CALCRL: variants seen among roughly 807,000 people sequenced by gnomAD.
CALCRL encodes calcitonin receptor like receptor, also known as calcitonin gene-related peptide type 1 receptor.
Under a neutral mutation model 60.4 loss-of-function variants are expected in CALCRL, and 27 were observed. The ratio of observed to expected loss-of-function variants is 0.45; its 90% CI spans 0.33 to 0.62. The LOEUF is 0.62. Among genes scored for constraint, CALCRL ranks in the 20% least tolerant of loss-of-function variants. The pLI is 0.03. For synonymous variants in CALCRL, 190 were observed against 182.6 expected, an observed-to-expected ratio of 1.04 and a Z score of -0.33; for missense variants, 424 against 540.7, an observed-to-expected ratio of 0.78 and a Z score of 2.14.
intron 8 of CALCRL, among the ~76,000 whole-genome samples, chr2:187,374,218 A>G (rs1045693894): frequency 9.2e-5 from 14 of 152,252 alleles, no homozygotes; most frequent in Admixed American, 2.6e-4. Flanking sequence ...AATGACATCT[A>G]GACATACAGA....
chr2:187,438,065 T>C (rs1252563936), intron 1 of CALCRL, among the ~76,000 whole-genome samples: 2 of 152,142 alleles, frequency 1.3e-5, no homozygotes, highest in Non-Finnish European at 2.9e-5. Flanking sequence ...ACCTTAATAG[T>C]GACATTTCTG....
rs954080668 is a variant in CALCRL, at chr2:187,404,504, A to ATT, written c.-292-16750_-292-16749dup. 1.6e-3 allele frequency among the ~76,000 whole-genome samples: 228 copies of ATT among 145,398 alleles called. 1 individual carries two copies. The highest frequency in any genetic ancestry group is 5.4e-3 in the African/African-American group (217 of 40,094). ...AGGTATCTTATAAACACTTTTATTT[A>ATT]TTTTTTTTTTTTGTAGAAAACACAA... On this transcript the variant is annotated intron_variant, in intron 1 of 14. Coordinates refer to ENST00000392370, the MANE Select transcript of CALCRL (RefSeq NM_005795.6).
intron 8 of CALCRL, among the ~76,000 whole-genome samples, chr2:187,365,413 G>T (rs1687235269): frequency 6.6e-6 from 1 of 152,104 alleles, no homozygotes; most frequent in Non-Finnish European, 1.5e-5. Context: ...GAGAGGAACT[G>T]CTTATCCATG....
chr2:187,423,530 T>C lies in CALCRL; in HGVS notation c.-293+24509A>G, dbSNP rs1574309274. Among the ~76,000 whole-genome samples, 5 of 152,152 alleles carry C rather than the reference T, an allele frequency of 3.3e-5. 1 individual carries two copies. Among genetic ancestry groups the C allele is most frequent in the Admixed American group, 3.3e-4 (5 of 15,278 alleles). ...ATTATTGAGGAATATTTTAATTATC[T>C]GGTTATAAATTCTAAGGTTTCCCAA... On this transcript the variant is annotated intron_variant, in intron 1 of 14. Transcript: ENST00000392370.
At chr2:187,378,150 A>G (rs1222026833) in intron 8 of CALCRL, among the ~76,000 whole-genome samples, 3 of 152,042 alleles carry the variant, frequency 2.0e-5, no homozygotes, top group Non-Finnish European at 4.4e-5. Flanking sequence ...AGAAGAAAGA[A>G]GAAAGAGAAG....
At chr2:187,409,517 G>A (rs1239323922) in intron 1 of CALCRL, among the ~76,000 whole-genome samples, 2 of 152,204 alleles carry the variant, frequency 1.3e-5, no homozygotes, top group Non-Finnish European at 2.9e-5. Flanking sequence ...ATTATTAAAT[G>A]TCATGCTGTA....
chr2:187,416,767 A>T (rs1689629248), intron 1 of CALCRL, among the ~76,000 whole-genome samples: 1 of 152,108 alleles, frequency 6.6e-6, no homozygotes, highest in Non-Finnish European at 1.5e-5. Context: ...AATTCAATGT[A>T]TATGTTTCTC....
At chr2:187,399,359 C>T (rs1026926261) in intron 1 of CALCRL, among the ~76,000 whole-genome samples, 19 of 151,174 alleles carry the variant, frequency 1.3e-4, no homozygotes, top group African/African-American at 3.6e-4. Context: ...GTACCTATGG[C>T]GAGATATTCA....
At chr2:187,416,277 T>C (rs1264775320) in intron 1 of CALCRL, among the ~76,000 whole-genome samples, 2 of 152,216 alleles carry the variant, frequency 1.3e-5, no homozygotes, top group African/African-American at 4.8e-5. Flanking sequence ...AATAAAGTAA[T>C]GTTTAAGCAG....
rs972686892 is a variant in CALCRL at position 187,399,003 on chromosome 2, A to T, written c.-292-11247T>A. Among the ~76,000 whole-genome samples, 4 of 151,626 alleles carry T rather than the reference A, an allele frequency of 2.6e-5. No individual in the cohort carries two copies. In the East Asian group the frequency reaches 7.7e-4, roughly 29 times the overall value. ...CTAACTGATTTATTTGGAGCAGTGT[A>T]GTGGAATAATCACTATGTGTGGAAT... On this transcript the variant is annotated intron_variant, in intron 1 of 14. Coordinates refer to ENST00000392370, the MANE Select transcript of CALCRL (RefSeq NM_005795.6).
chr2:187,418,897 C>G (rs1207556802), intron 1 of CALCRL, among the ~76,000 whole-genome samples: 2 of 146,936 alleles, frequency 1.4e-5, no homozygotes, highest in African/African-American at 5.0e-5. Context: ...TGCTCTGTCA[C>G]CAGGCTGGGG....
Position 187,430,055 on chromosome 2 carries a change from G to A in CALCRL, c.-293+17984C>T, listed in dbSNP as rs1297653012. Among the ~76,000 whole-genome samples the A allele has an allele frequency of 3.9e-5, 6 of 152,132 alleles. No individual in the cohort carries two copies. The East Asian group carries it at 1.2e-3, about 29-fold the overall frequency. The stretch of plus-strand genomic sequence containing the variant: ...TAAGCAAACTTTGGGCCTTTTGAAA[G>A]TTGATCTGATATTACTTCACATAAA... On this transcript the variant is annotated intron_variant, in intron 1 of 14. Coordinates refer to ENST00000392370, the MANE Select transcript of CALCRL (RefSeq NM_005795.6).
In CALCRL at chr2:187,398,993, G is replaced by A. The variant is rs559784745; in HGVS notation, c.-292-11237C>T. Reference sequence around the variant, plus strand: ...CGTTTTATGCCTAACTGATTTATTTGGAGCAGTGTAGTGGAATAATCACTA... The same window carrying A: ...CGTTTTATGCCTAACTGATTTATTTAGAGCAGTGTAGTGGAATAATCACTA... On this transcript the variant is annotated intron_variant, in intron 1 of 14. Coordinates refer to ENST00000392370, the MANE Select transcript of CALCRL (RefSeq NM_005795.6). Among the ~76,000 whole-genome samples the A allele has an allele frequency of 4.0e-5, 6 of 151,622 alleles. No individual in the cohort carries two copies. The South Asian group carries it at 1.2e-3, about 31-fold the overall frequency.
chr2:187,376,540 A>C (rs1049515934), intron 8 of CALCRL, among the ~76,000 whole-genome samples: 12 of 152,124 alleles, frequency 7.9e-5, no homozygotes, highest in Non-Finnish European at 7.4e-5. Flanking sequence ...TGTTGGTATC[A>C]TTTGGCTTGC....
At chr2:187,441,338 T>C (rs1458633765) in intron 1 of CALCRL, among the ~76,000 whole-genome samples, 2 of 152,002 alleles carry the variant, frequency 1.3e-5, no homozygotes, top group African/African-American at 4.8e-5. Context: ...ATTTACCAGG[T>C]TTTGTCATTT....
Position 187,444,981 on chromosome 2 carries a change from C to T in CALCRL, c.-293+3058G>A, listed in dbSNP as rs1014126763. Among the ~76,000 whole-genome samples, 8 of 151,354 alleles carry T rather than the reference C, an allele frequency of 5.3e-5. No individual in the cohort carries two copies. The South Asian group carries it at 6.2e-4, about 12-fold the overall frequency. On this transcript the variant is annotated intron_variant, in intron 1 of 14. Transcript: ENST00000392370. The stretch of plus-strand genomic sequence containing the variant: ...CATCATAATATTTTTGTATATTAAA[C>T]GAGAAGATGTCTTGAAATAATTTGT...
intron 1 of CALCRL, among the ~76,000 whole-genome samples, chr2:187,433,188 A>C (rs532196407): frequency 6.6e-6 from 1 of 152,192 alleles, no homozygotes; most frequent in South Asian, 2.1e-4. Flanking sequence ...TTCAAAGTTG[A>C]AGTTTATTTT....
At chr2:187,358,396 C>T (rs917130344) in intron 12 of CALCRL, among the ~76,000 whole-genome samples, 3 of 151,902 alleles carry the variant, frequency 2.0e-5, no homozygotes, top group South Asian at 2.1e-4. Flanking sequence ...ATAAAAGCAT[C>T]GAATGTGACT....
intron 5 of CALCRL, among the ~76,000 whole-genome samples, chr2:187,381,216 A>G (rs1687972304): frequency 6.6e-6 from 1 of 152,070 alleles, no homozygotes. Context: ...AAGCCAATAA[A>G]TATTCCAATA....
Sources: gnomAD v4.1 joint callset for allele counts (sites outside exome capture counted in the v4.1 genomes callset) on GRCh38, gnomAD v4.1.1 for gene constraint, MANE v1.5 for transcripts, NCBI Gene and HGNC (gene_info 2026-07-23, HGNC 2026-07-21) for gene names.